Variants in GPM6A observed in about 807,000 individuals in gnomAD.
GPM6A encodes neuronal membrane glycoprotein M6-a.
A neutral mutation model predicts 32.1 loss-of-function variants in GPM6A; 7 were observed. That is an observed-to-expected ratio of 0.22 (90% confidence interval 0.12 to 0.41). The LOEUF (loss-of-function observed/expected upper bound fraction) is 0.41. Among genes scored for constraint, GPM6A ranks in the 10% least tolerant of loss-of-function variants. The pLI, the probability that GPM6A is intolerant of heterozygous loss-of-function variation, is 1.00. For synonymous variants in GPM6A, 130 were observed against 123.4 expected, an observed-to-expected ratio of 1.05 and a Z score of -0.35; for missense variants, 235 against 347.2, an observed-to-expected ratio of 0.68 and a Z score of 2.57.
intron 1 of GPM6A, among the ~76,000 whole-genome samples, chr4:175,938,165 A>G (rs1739297191): frequency 6.6e-6 from 1 of 152,220 alleles, no homozygotes; most frequent in Non-Finnish European, 1.5e-5. Context: ...AATGTTTGAT[A>G]GCAGAATAGG....
chr4:175,930,565 A>G lies in GPM6A; in HGVS notation c.-23+71744T>C, dbSNP rs545592700. 6.2e-4 allele frequency among the ~76,000 whole-genome samples: 95 copies of G among 152,048 alleles called. 1 individual carries two copies. The highest frequency in any genetic ancestry group is 1.0e-3 in the Admixed American group (16 of 15,266). ...ACAATTATACTCAACTCTGAATTTCAGTTTTATAAGAACCTTTTTTTGCTT... is the reference window on the plus strand; with the variant it reads ...ACAATTATACTCAACTCTGAATTTCGGTTTTATAAGAACCTTTTTTTGCTT... On this transcript the variant is annotated intron_variant, in intron 1 of 7. Coordinates refer to the GPM6A transcript ENST00000280187.
chr4:175,881,228 C>T lies in GPM6A; in HGVS notation c.-22-68979G>A, dbSNP rs193219262. The stretch of plus-strand genomic sequence containing the variant: ...CAAAAGAAGACATTAATGCAGCCAA[C>T]AGACACATGAAAAAATGCTCATCAT... On this transcript the variant is annotated intron_variant, in intron 1 of 7. Coordinates refer to the GPM6A transcript ENST00000280187. 7.5e-3 allele frequency among the ~76,000 whole-genome samples: 1,145 copies of T among 152,268 alleles called. 7 individuals carry two copies. The highest frequency in any genetic ancestry group is 0.012 in the Non-Finnish European group (849 of 68,012).
At chr4:175,657,438 A>C (rs140468786) in intron 3 of GPM6A, among the ~76,000 whole-genome samples, 9 of 152,064 alleles carry the variant, frequency 5.9e-5, no homozygotes, top group Admixed American at 6.6e-5. Context: ...ATTCTCATAG[A>C]TATCCAGTGT....
Position 175,644,860 on chromosome 4 carries a change from A to G in GPM6A, c.542-4031T>C, listed in dbSNP as rs374397876. On this transcript the variant is annotated intron_variant, in intron 4 of 6. Coordinates refer to ENST00000393658, the MANE Select transcript of GPM6A (RefSeq NM_201591.3). ...AGTGGCTCACGCCTGTAATCCCAGC[A>G]CTTTAGGAGGATGAGGCAGGCGGAT... Among the ~76,000 whole-genome samples, 22 of 152,240 alleles carry G rather than the reference A, an allele frequency of 1.4e-4. No homozygotes were observed. In the East Asian group the frequency reaches 3.3e-3, roughly 23 times the overall value.
chr4:175,849,418 T>TAG (rs778631099), intron 1 of GPM6A, among the ~76,000 whole-genome samples: 3 of 152,168 alleles, frequency 2.0e-5, no homozygotes, highest in Non-Finnish European at 4.4e-5. Context: ...GTAGCCAACG[T>TAG]AGAGGTTGAC....
At chr4:175,799,554 A>G (rs964449368) in intron 1 of GPM6A, among the ~76,000 whole-genome samples, 9 of 152,052 alleles carry the variant, frequency 5.9e-5, no homozygotes, top group Admixed American at 5.3e-4. Context: ...CGGAAGTAGT[A>G]TTGCTATTTT....
chr4:175,918,738 G>T (rs915129167), intron 1 of GPM6A, among the ~76,000 whole-genome samples: 4 of 152,064 alleles, frequency 2.6e-5, no homozygotes, highest in African/African-American at 9.7e-5. Flanking sequence ...GTTTCCAGTA[G>T]GGTGTCTGAA....
At chr4:175,950,046 C>T (rs1011388120) in intron 1 of GPM6A, among the ~76,000 whole-genome samples, 1 of 151,926 alleles carries the variant, frequency 6.6e-6, no homozygotes, top group African/African-American at 2.4e-5. Context: ...GTAAGGACAC[C>T]CTCAAAAAAT....
At chr4:175,955,123 T>A (rs1199363074) in intron 1 of GPM6A, among the ~76,000 whole-genome samples, 1 of 152,226 alleles carries the variant, frequency 6.6e-6, no homozygotes, top group African/African-American at 2.4e-5. Flanking sequence ...GCCACATAGA[T>A]AATCCATGGC....
At chr4:175,729,822 G>C (rs1424739370) in intron 1 of GPM6A, among the ~76,000 whole-genome samples, 2 of 143,298 alleles carry the variant, frequency 1.4e-5, no homozygotes, top group African/African-American at 5.1e-5. Context: ...ATTAATATAT[G>C]TATTTAATAA....
intron 1 of GPM6A, among the ~76,000 whole-genome samples, chr4:175,860,922 AAT>A (rs1366178397): frequency 1.3e-5 from 2 of 152,162 alleles, no homozygotes; most frequent in African/African-American, 4.8e-5. Flanking sequence ...TTCTAGGAAA[AAT>A]ATCTCATTTC....
chr4:175,744,325 G>A (rs1266114029), intron 1 of GPM6A, among the ~76,000 whole-genome samples: 1 of 151,856 alleles, frequency 6.6e-6, no homozygotes, highest in East Asian at 1.9e-4. Flanking sequence ...ATAAAAAGAG[G>A]GTATAGCTCC....
chr4:175,803,650 G>A (rs1389475938), intron 1 of GPM6A, among the ~76,000 whole-genome samples: 2 of 151,954 alleles, frequency 1.3e-5, no homozygotes, highest in Admixed American at 6.6e-5. Context: ...TGGAGATTTT[G>A]AAAAAAATAT....
chr4:175,692,690 C>T (rs1744364758), intron 2 of GPM6A, among the ~76,000 whole-genome samples: 1 of 151,960 alleles, frequency 6.6e-6, no homozygotes, highest in Non-Finnish European at 1.5e-5. Flanking sequence ...ATGTCAAATA[C>T]ATAAATATTT....
intron 1 of GPM6A, among the ~76,000 whole-genome samples, chr4:175,738,705 C>A (rs1731762254): frequency 6.6e-6 from 1 of 151,920 alleles, no homozygotes; most frequent in African/African-American, 2.4e-5. Context: ...AAACAAAAGG[C>A]AAAGATAATT....
exon 1 of GPM6A, chr4:176,002,314 G>T: frequency 6.3e-7 from 1 of 1,596,720 alleles, no homozygotes; most frequent in Non-Finnish European, 8.5e-7. Flanking sequence ...CTCACCCATG[G>T]CCCGAGGTCC....
chr4:175,703,383 G>T (rs749036957), intron 1 of GPM6A, among the ~76,000 whole-genome samples: 2 of 152,120 alleles, frequency 1.3e-5, no homozygotes, highest in South Asian at 2.1e-4. Context: ...TGTTGGCCAG[G>T]CTGATCTCAA....
chr4:175,650,314 A>ATTTATTTC (rs1741726820), intron 4 of GPM6A, among the ~76,000 whole-genome samples: 1 of 106,776 alleles, frequency 9.4e-6, no homozygotes, highest in African/African-American at 3.5e-5. Flanking sequence ...TTATTTATTT[A>ATTTATTTC]TTTATTTTGA....
chr4:175,882,830 A>C (rs1295477114), intron 1 of GPM6A, among the ~76,000 whole-genome samples: 1 of 152,118 alleles, frequency 6.6e-6, no homozygotes, highest in Non-Finnish European at 1.5e-5. Context: ...GTAAGCAGTG[A>C]TTAATCTTCC....
Sources: gnomAD v4.1 joint callset for allele counts (sites outside exome capture counted in the v4.1 genomes callset) on GRCh38, gnomAD v4.1.1 for gene constraint, MANE v1.5 for transcripts, NCBI Gene and HGNC (gene_info 2026-07-23, HGNC 2026-07-21) for gene names.